KCNIP1: variants seen among roughly 807,000 people sequenced by gnomAD.
KCNIP1 encodes potassium voltage-gated channel interacting protein 1, also known as A-type potassium channel modulatory protein KCNIP1.
In KCNIP1, 18 loss-of-function variants were observed where a neutral mutation model predicts 33.0. That is an observed-to-expected ratio of 0.55 (90% CI 0.38 to 0.81). The LOEUF (loss-of-function observed/expected upper bound fraction) is 0.81, where lower values mean the gene tolerates loss of function less well. KCNIP1 is among the 30% of genes least tolerant of loss of function. The probability of loss-of-function intolerance (pLI) is 0.00; values close to 1 mark genes in which losing one functional copy is unlikely to be tolerated. For missense variants in KCNIP1, 238 were observed against 271.6 expected, an observed-to-expected ratio of 0.88 and a Z score of 0.87; for synonymous variants, 93 against 98.3, an observed-to-expected ratio of 0.95 and a Z score of 0.32.
At chr5:170,508,778 A>C (rs1754816274) in intron 1 of KCNIP1, among the ~76,000 whole-genome samples, 1 of 152,140 alleles carries the variant, frequency 6.6e-6, no homozygotes, top group Admixed American at 6.5e-5. Flanking sequence ...CAATTTCCAT[A>C]TTCAGGAAGC....
chr5:170,565,466 T>C (rs770131797), intron 1 of KCNIP1, among the ~76,000 whole-genome samples: 3 of 152,068 alleles, frequency 2.0e-5, no homozygotes, highest in Non-Finnish European at 2.9e-5. Context: ...GAGTAGAGAG[T>C]GTGGCCAGGG....
At chr5:170,461,655 C>A (rs1309091874) in intron 1 of KCNIP1, among the ~76,000 whole-genome samples, 1 of 151,600 alleles carries the variant, frequency 6.6e-6, no homozygotes, top group Admixed American at 6.6e-5. Context: ...GAGGCTGAGG[C>A]AGGAGAATGG....
At chr5:170,438,555 C>T (rs1432307129) in intron 1 of KCNIP1, among the ~76,000 whole-genome samples, 1 of 152,172 alleles carries the variant, frequency 6.6e-6, no homozygotes, top group Admixed American at 6.5e-5. Flanking sequence ...TTGACCCCAG[C>T]ATGAAACCCA....
chr5:170,625,923 G>A (rs1458719020), intron 1 of KCNIP1, among the ~76,000 whole-genome samples: 3 of 152,200 alleles, frequency 2.0e-5, no homozygotes, highest in Non-Finnish European at 4.4e-5. Flanking sequence ...AGTGACCTGG[G>A]GGATGGGCAT....
chr5:170,392,855 A>T (rs1754639780), intron 1 of KCNIP1, among the ~76,000 whole-genome samples: 1 of 152,180 alleles, frequency 6.6e-6, no homozygotes, highest in Admixed American at 6.5e-5. Flanking sequence ...AAAGTGCTTT[A>T]TCTACTCTTA....
rs114214764 is a variant in KCNIP1 at position 170,536,238 on chromosome 5, C to T, written c.61+31605C>T. Among the ~76,000 whole-genome samples, 1,149 of 152,288 alleles carry T rather than the reference C, an allele frequency of 7.5e-3. 19 individuals are homozygous for T. Among genetic ancestry groups the T allele is most frequent in the African/African-American group, 0.026 (1,070 of 41,566 alleles). Reference sequence around the variant, plus strand: ...AAGGGCTCCTGGGCCTTAAACTAGGCGCTCCTTGCATTAGCCTGTGGCAGG... The same window carrying T: ...AAGGGCTCCTGGGCCTTAAACTAGGTGCTCCTTGCATTAGCCTGTGGCAGG... On this transcript the variant is annotated intron_variant, in intron 1 of 7. Transcript: ENST00000328939.
chr5:170,374,578 A>G (rs1051312098), intron 1 of KCNIP1: 2 of 152,110 alleles, frequency 1.3e-5, no homozygotes, highest in African/African-American at 2.4e-5. Flanking sequence ...GTTCTGGAGG[A>G]CGGCACATGG....
intron 1 of KCNIP1, among the ~76,000 whole-genome samples, chr5:170,453,487 G>A (rs1051172249): frequency 6.6e-6 from 1 of 152,224 alleles, no homozygotes; most frequent in Non-Finnish European, 1.5e-5. Context: ...AAATCTGAAA[G>A]TAACTTTGGG....
chr5:170,412,396 T>C (rs1350931586), intron 1 of KCNIP1, among the ~76,000 whole-genome samples: 1 of 152,116 alleles, frequency 6.6e-6, no homozygotes, highest in Non-Finnish European at 1.5e-5. Context: ...GAGGCAGCCA[T>C]TGAGGCCTCT....
At chr5:170,708,908 A>G (rs923892488) in intron 1 of KCNIP1, among the ~76,000 whole-genome samples, 6 of 152,244 alleles carry the variant, frequency 3.9e-5, no homozygotes, top group Non-Finnish European at 7.3e-5. Flanking sequence ...CAAAAAAAGA[A>G]AAAAAGAAAT....
intron 7 of KCNIP1, among the ~76,000 whole-genome samples, chr5:170,735,353 A>C (rs992214737): frequency 6.6e-6 from 1 of 152,250 alleles, no homozygotes; most frequent in Admixed American, 6.5e-5. Flanking sequence ...AAATAAAATA[A>C]AAATATGACT....
intron 5 of KCNIP1, among the ~76,000 whole-genome samples, chr5:170,723,765 G>T (rs936209750): frequency 6.6e-6 from 1 of 152,184 alleles, no homozygotes. Context: ...GCAGGTAGAA[G>T]ATATTTTGGC....
chr5:170,591,239 A>C (rs983996762), intron 1 of KCNIP1, among the ~76,000 whole-genome samples: 1 of 152,220 alleles, frequency 6.6e-6, no homozygotes, highest in Non-Finnish European at 1.5e-5. Context: ...CACAGCACAG[A>C]TCACAAGAGT....
intron 1 of KCNIP1, among the ~76,000 whole-genome samples, chr5:170,696,121 A>T (rs1337973984): frequency 1.3e-5 from 2 of 151,374 alleles, no homozygotes; most frequent in African/African-American, 2.4e-5. Flanking sequence ...TTTATGCTTC[A>T]CCTCGTAGTG....
chr5:170,393,123 G>A (rs575946729), intron 1 of KCNIP1, among the ~76,000 whole-genome samples: 1 of 152,112 alleles, frequency 6.6e-6, no homozygotes, highest in Non-Finnish European at 1.5e-5. Flanking sequence ...ACCTGTGCCC[G>A]CTGACTCCAC....
chr5:170,605,638 A>T (rs1758878658), intron 1 of KCNIP1, among the ~76,000 whole-genome samples: 1 of 151,982 alleles, frequency 6.6e-6, no homozygotes, highest in African/African-American at 2.4e-5. Flanking sequence ...GTTTCTGTGG[A>T]TTTGCCTATT....
At chr5:170,393,359 T>A (rs551434375) in intron 1 of KCNIP1, among the ~76,000 whole-genome samples, 1 of 152,202 alleles carries the variant, frequency 6.6e-6, no homozygotes, top group Non-Finnish European at 1.5e-5. Flanking sequence ...AATTGGCAAC[T>A]GAGTCTTGAG....
intron 5 of KCNIP1, among the ~76,000 whole-genome samples, chr5:170,726,497 C>A (rs1401525747): frequency 6.6e-6 from 1 of 152,020 alleles, no homozygotes; most frequent in Non-Finnish European, 1.5e-5. Flanking sequence ...AGATGTGGAG[C>A]AATAGAAACT....
intron 1 of KCNIP1, among the ~76,000 whole-genome samples, chr5:170,539,989 AAATAAT>A (rs897349668): frequency 6.6e-6 from 1 of 152,170 alleles, no homozygotes. Flanking sequence ...AAGATTTTTT[AAATAAT>A]AATAATAAAG....
Sources: gnomAD v4.1 joint callset for allele counts (sites outside exome capture counted in the v4.1 genomes callset) on GRCh38, gnomAD v4.1.1 for gene constraint, MANE v1.5 for transcripts, NCBI Gene and HGNC (gene_info 2026-07-23, HGNC 2026-07-21) for gene names.